ASIC2: variants seen among roughly 807,000 people sequenced by gnomAD.
ASIC2 encodes the protein acid-sensing ion channel 2.
In ASIC2, 25 loss-of-function variants were observed where a neutral mutation model predicts 57.3. The ratio of observed to expected loss-of-function variants is 0.44; its 90% CI spans 0.32 to 0.61. The LOEUF (loss-of-function observed/expected upper bound fraction) is 0.61. ASIC2 is among the 20% of genes least tolerant of loss of function. The pLI, the probability that ASIC2 is intolerant of heterozygous loss-of-function variation, is 0.06. For synonymous variants in ASIC2, 319 were observed against 307.5 expected (o/e 1.04, Z -0.39); for missense variants, 641 against 738.1 (o/e 0.87, Z 1.52).
chr17:33,800,704 A>C (rs1333219586), intron 1 of ASIC2, among the ~76,000 whole-genome samples: 1 of 152,182 alleles, frequency 6.6e-6, no homozygotes, highest in Non-Finnish European at 1.5e-5. Context: ...GATTCCTATT[A>C]TTATAAAAAT....
At chr17:33,657,061 T>G (rs1392303376) in intron 1 of ASIC2, among the ~76,000 whole-genome samples, 1 of 151,314 alleles carries the variant, frequency 6.6e-6, no homozygotes, top group Non-Finnish European at 1.5e-5. Flanking sequence ...GAGAAGGAGG[T>G]CTTGGATGAA....
At chr17:33,544,098 C>T (rs1043136782) in intron 1 of ASIC2, among the ~76,000 whole-genome samples, 5 of 152,114 alleles carry the variant, frequency 3.3e-5, no homozygotes, top group African/African-American at 9.7e-5. Context: ...ATGCTTTTGG[C>T]CTTTTCTAGG....
intron 1 of ASIC2, among the ~76,000 whole-genome samples, chr17:33,673,418 C>T (rs547337209): frequency 2.0e-5 from 3 of 152,282 alleles, no homozygotes; most frequent in African/African-American, 7.2e-5. Flanking sequence ...TAACAGGCTG[C>T]CTTCCAGAGC....
intron 3 of ASIC2, among the ~76,000 whole-genome samples, chr17:33,082,390 C>T (rs1208482302): frequency 6.6e-6 from 1 of 152,092 alleles, no homozygotes; most frequent in Non-Finnish European, 1.5e-5. Flanking sequence ...TGATGAAAGG[C>T]TTCTGATATC....
intron 1 of ASIC2, among the ~76,000 whole-genome samples, chr17:33,216,312 C>T (rs1567787477): frequency 6.6e-6 from 1 of 152,228 alleles, no homozygotes; most frequent in South Asian, 2.1e-4. Flanking sequence ...TTAACGAAAC[C>T]GTATGAGGGA....
At chr17:33,636,432 G>T (rs1217804128) in intron 1 of ASIC2, among the ~76,000 whole-genome samples, 3 of 152,102 alleles carry the variant, frequency 2.0e-5, no homozygotes, top group African/African-American at 7.2e-5. Flanking sequence ...AGGACATCTG[G>T]CCTCAAACCT....
At chr17:33,344,374 G>T (rs927631001) in intron 1 of ASIC2, among the ~76,000 whole-genome samples, 1 of 152,286 alleles carries the variant, frequency 6.6e-6, no homozygotes, top group East Asian at 1.9e-4. Context: ...ATACAGGCCA[G>T]TTGGCTGTCA....
At chr17:33,787,982 A>G (rs7209383) in intron 1 of ASIC2, among the ~76,000 whole-genome samples, 86,420 of 152,048 alleles carry the variant, frequency 0.57, 25,685 homozygotes, top group Non-Finnish European at 0.66. Flanking sequence ...AGGCAATACT[A>G]TTCAGGACAT....
At chr17:33,965,240 C>A (rs1449626834) in intron 1 of ASIC2, among the ~76,000 whole-genome samples, 2 of 152,172 alleles carry the variant, frequency 1.3e-5, no homozygotes, top group African/African-American at 4.8e-5. Context: ...AAGCGACTTG[C>A]CTCAGATCAA....
chr17:33,192,429 CAAAACAAAACAAAACAAAACAA>C (rs1567779502), intron 1 of ASIC2, among the ~76,000 whole-genome samples: 19 of 151,292 alleles, frequency 1.3e-4, no homozygotes, highest in East Asian at 3.9e-4. Context: ...CAAAACAAAA[CAAAACAAAACAAAACAAAACAA>C]AACACAACCA....
intron 1 of ASIC2, among the ~76,000 whole-genome samples, chr17:33,544,212 A>C (rs1005099168): frequency 6.6e-6 from 1 of 152,186 alleles, no homozygotes; most frequent in Non-Finnish European, 1.5e-5. Context: ...CTGTGTCACC[A>C]GTCTGTTCCT....
intron 1 of ASIC2, among the ~76,000 whole-genome samples, chr17:33,131,177 C>A (rs757339768): frequency 5.9e-5 from 9 of 152,124 alleles, no homozygotes; most frequent in Non-Finnish European, 1.3e-4. Context: ...GACTTGAAGA[C>A]CTGCTTCAAA....
At chr17:33,367,805 C>T (rs1908876295) in intron 1 of ASIC2, among the ~76,000 whole-genome samples, 1 of 152,184 alleles carries the variant, frequency 6.6e-6, no homozygotes, top group Non-Finnish European at 1.5e-5. Flanking sequence ...GTGCAGAGCT[C>T]TTGTCCATTA....
chr17:33,449,748 T>C (rs1912176069), intron 1 of ASIC2, among the ~76,000 whole-genome samples: 1 of 151,894 alleles, frequency 6.6e-6, no homozygotes, highest in Non-Finnish European at 1.5e-5. Context: ...ACACAAAGGA[T>C]TCACAGAATA....
intron 1 of ASIC2, among the ~76,000 whole-genome samples, chr17:34,044,062 A>G (rs1412178830): frequency 6.6e-6 from 1 of 152,052 alleles, no homozygotes; most frequent in Non-Finnish European, 1.5e-5. Flanking sequence ...TATGGATAAA[A>G]CAGCTCATAC....
chr17:33,057,642 A>G (rs2092003379), intron 3 of ASIC2, among the ~76,000 whole-genome samples: 1 of 152,230 alleles, frequency 6.6e-6, no homozygotes, highest in African/African-American at 2.4e-5. Context: ...AGAATGGAGG[A>G]AAGAACATTT....
At chr17:33,780,380 C>G (rs1044126403) in intron 1 of ASIC2, among the ~76,000 whole-genome samples, 2 of 152,152 alleles carry the variant, frequency 1.3e-5, no homozygotes, top group Admixed American at 1.3e-4. Flanking sequence ...ACCACCAATG[C>G]CCACCCCATT....
At chr17:33,869,981 G>C (rs954073685) in intron 1 of ASIC2, among the ~76,000 whole-genome samples, 1 of 152,162 alleles carries the variant, frequency 6.6e-6, no homozygotes, top group Non-Finnish European at 1.5e-5. Context: ...GCTGTAGTTT[G>C]CCAGCCCCTG....
At chr17:33,200,015 C>T (rs538754208) in intron 1 of ASIC2, among the ~76,000 whole-genome samples, 1 of 152,230 alleles carries the variant, frequency 6.6e-6, no homozygotes, top group African/African-American at 2.4e-5. Context: ...TCTGTCCCAG[C>T]TTCCTGCCTT....
Sources: allele counts gnomAD v4.1 joint callset (sites outside exome capture counted in the v4.1 genomes callset), GRCh38; gene constraint gnomAD v4.1.1; transcripts MANE v1.5; gene names NCBI Gene and HGNC (gene_info 2026-07-23, HGNC 2026-07-21).